The following ADAM2 variants were observed in gnomAD, a reference collection of about 807,000 sequenced individuals.
ADAM2 encodes disintegrin and metalloproteinase domain-containing protein 2.
A neutral mutation model predicts 99.3 loss-of-function variants in ADAM2; 101 were observed. The observed-to-expected ratio is 1.02, with a 90% CI of 0.87 to 1.20. The LOEUF is 1.20. ADAM2 is among the 50% of genes most tolerant of loss of function. The pLI is 0.00. For missense variants in ADAM2, 948 were observed against 878.7 expected (o/e 1.08, Z -1.00); for synonymous variants, 323 against 287.6 (o/e 1.12, Z -1.25).
At chr8:39,751,661 TA>T (rs556249773) in intron 16 of ADAM2, among the ~76,000 whole-genome samples, 83 of 152,046 alleles carry the variant, frequency 5.5e-4, no homozygotes, top group African/African-American at 1.8e-3. Context: ...TAATATTACA[TA>T]AAAAAAACAA....
chr8:39,817,728 C>T (rs7388612), intron 6 of ADAM2, among the ~76,000 whole-genome samples: 56,901 of 151,326 alleles, frequency 0.38, 11,208 homozygotes, highest in South Asian at 0.6. Context: ...CTACTCTGAC[C>T]ACACAAAAAA....
At chr8:39,828,389 G>A (rs1805493675) in intron 3 of ADAM2, among the ~76,000 whole-genome samples, 1 of 151,680 alleles carries the variant, frequency 6.6e-6, no homozygotes, top group Admixed American at 6.6e-5. Context: ...CTCAAGAGTT[G>A]ATATGTTAAC....
intron 7 of ADAM2, among the ~76,000 whole-genome samples, chr8:39,792,986 T>C (rs1166670470): frequency 2.0e-5 from 3 of 152,064 alleles, no homozygotes; most frequent in Admixed American, 2.0e-4. Flanking sequence ...GTCAGTTATT[T>C]TGAGACCTCT....
intron 7 of ADAM2, among the ~76,000 whole-genome samples, chr8:39,807,874 A>G (rs185277103): frequency 1.2e-3 from 179 of 152,330 alleles, no homozygotes; most frequent in African/African-American, 3.8e-3. Context: ...AAAAATTCCC[A>G]TAGTCATCTG....
At chr8:39,779,042 C>T (rs879687428) in intron 10 of ADAM2, among the ~76,000 whole-genome samples, 2 of 151,808 alleles carry the variant, frequency 1.3e-5, no homozygotes, top group Non-Finnish European at 2.9e-5. Context: ...TTGCTCTTGC[C>T]TTCCCTGTAT....
At chr8:39,783,237 C>A (rs1195225670) in intron 10 of ADAM2, among the ~76,000 whole-genome samples, 1 of 152,120 alleles carries the variant, frequency 6.6e-6, no homozygotes, top group Non-Finnish European at 1.5e-5. Context: ...CTTTATTTCT[C>A]ACCATATTAT....
intron 15 of ADAM2, among the ~76,000 whole-genome samples, chr8:39,758,841 A>C (rs995371264): frequency 9.2e-5 from 14 of 152,062 alleles, no homozygotes; most frequent in Non-Finnish European, 1.6e-4. Context: ...AATTTGAGAA[A>C]GTATCAAAAT....
intron 14 of ADAM2, among the ~76,000 whole-genome samples, chr8:39,762,686 G>A (rs953507441): frequency 6.6e-6 from 1 of 152,002 alleles, no homozygotes; most frequent in Non-Finnish European, 1.5e-5. Context: ...AGGCTTCCCT[G>A]AAAAAGAAAA....
intron 14 of ADAM2, among the ~76,000 whole-genome samples, chr8:39,765,777 A>C (rs982501536): frequency 3.3e-5 from 5 of 152,188 alleles, no homozygotes; most frequent in Non-Finnish European, 7.4e-5. Context: ...TCAAACCAAC[A>C]GTCATTCCTA....
intron 3 of ADAM2, among the ~76,000 whole-genome samples, chr8:39,826,383 C>T (rs1314083471): frequency 6.6e-6 from 1 of 152,086 alleles, no homozygotes; most frequent in African/African-American, 2.4e-5. Flanking sequence ...AAACTGGACA[C>T]CCACATGCAG....
At chr8:39,832,129 TCTC>T (rs1376306039) in intron 3 of ADAM2, among the ~76,000 whole-genome samples, 2 of 152,174 alleles carry the variant, frequency 1.3e-5, no homozygotes, top group African/African-American at 4.8e-5. Flanking sequence ...TTCTCAGGTT[TCTC>T]AAGGACACCT....
intron 8 of ADAM2, 44 bp downstream of exon 8, chr8:39,788,625 T>C: frequency 7.3e-7 from 1 of 1,364,964 alleles, no homozygotes; most frequent in South Asian, 1.3e-5. Flanking sequence ...GAAATTGTTT[T>C]AGTAACACAA....
intron 10 of ADAM2, among the ~76,000 whole-genome samples, chr8:39,784,698 G>C: frequency 6.6e-6 from 1 of 152,110 alleles, no homozygotes; most frequent in Non-Finnish European, 1.5e-5. Context: ...TGTGGCATGT[G>C]ATGAAATAAA....
At chr8:39,760,905 AAAAAAATT>A (rs1377929896) in intron 15 of ADAM2, among the ~76,000 whole-genome samples, 6 of 149,596 alleles carry the variant, frequency 4.0e-5, no homozygotes, top group Non-Finnish European at 8.9e-5. Context: ...AAAAAAAAAA[AAAAAAATT>A]AAAGTAATAG....
At chr8:39,810,375 A>C (rs1030839862) in intron 6 of ADAM2, among the ~76,000 whole-genome samples, 2 of 152,234 alleles carry the variant, frequency 1.3e-5, no homozygotes, top group Admixed American at 6.5e-5. Context: ...GACAGATCAA[A>C]GAGACAGAAC....
chr8:39,836,724 TA>T (rs938551424), intron 2 of ADAM2, among the ~76,000 whole-genome samples: 12 of 152,116 alleles, frequency 7.9e-5, no homozygotes, highest in Admixed American at 2.0e-4. Context: ...CAATCAGGGC[TA>T]AAAAAATCAT....
chr8:39,834,427 G>A (rs1308731185), intron 2 of ADAM2, among the ~76,000 whole-genome samples: 2 of 151,714 alleles, frequency 1.3e-5, no homozygotes, highest in African/African-American at 4.9e-5. Context: ...ACTATGTTGA[G>A]AGTGGGAATC....
Position 39,767,024 on chromosome 8 carries a change from A to G in ADAM2, c.1331T>C (p.Met444Thr), listed in dbSNP as rs750464648. The G allele has an allele frequency of 5.0e-6, 8 of 1,613,910 alleles. No homozygotes were observed. The highest frequency in any genetic ancestry group is 4.4e-5 in the South Asian group (4 of 91,068). ...ENCLFMSKER[M>T]CRPSFEECDL... ...GCATTCTTCAAAGGAAGGCCTACAC[A>G]TTCTTTCTTTTGACATAAACTGATG... is the stretch of plus-strand genomic sequence containing the variant. The change falls in exon 14 of 21, where the codon ATG becomes ACG. Residue 444 changes from methionine to threonine, a missense_variant. By Grantham distance (81) the Met-to-Thr change is moderately conservative (BLOSUM62 -1). Coordinates refer to ENST00000265708, the MANE Select transcript of ADAM2 (RefSeq NM_001464.5).
intron 14 of ADAM2, 150 bp downstream of exon 14, chr8:39,766,698 G>A (rs760591845): frequency 2.3e-5 from 15 of 647,130 alleles, no homozygotes; most frequent in Non-Finnish European, 3.5e-5. Flanking sequence ...GTGAGCCACC[G>A]CGCCTGGCCG....
Sources: allele counts gnomAD v4.1 joint callset (sites outside exome capture counted in the v4.1 genomes callset), GRCh38; gene constraint gnomAD v4.1.1; transcripts MANE v1.5; gene names NCBI Gene and HGNC (gene_info 2026-07-23, HGNC 2026-07-21).